The following TIMELESS variants were observed in gnomAD, a reference collection of about 807,000 sequenced individuals.
The protein encoded by TIMELESS is timeless circadian regulator.
Under a neutral mutation model 164.3 loss-of-function variants are expected in TIMELESS, and 124 were observed. That is an observed-to-expected ratio of 0.75 (90% CI 0.65 to 0.88). TIMELESS has a LOEUF of 0.88. Ranked by LOEUF, TIMELESS falls within the 40% of genes least tolerant of loss-of-function variation. TIMELESS has a pLI of 0.00. For synonymous variants in TIMELESS, 564 were observed against 563.4 expected, an observed-to-expected ratio of 1.00 and a Z score of -0.02; for missense variants, 1,422 against 1,491.4, an observed-to-expected ratio of 0.95 and a Z score of 0.77.
At position 56,434,182 on chromosome 12, in the gene TIMELESS, C is replaced by G; in HGVS notation, c.-12G>C. The stretch of plus-strand genomic sequence containing the variant: ...ATGTGCAAGTCCATACATCAGTGGA[C>G]CAACCAACAGAGAAGGAAGTGGAGA... On this transcript the variant is annotated 5_prime_UTR_variant, in exon 2 of 29. Transcript: ENST00000553532. The G allele has an allele frequency of 6.2e-7, 1 of 1,603,316 alleles. No homozygotes were observed. The highest frequency in any genetic ancestry group is 1.1e-5 in the South Asian group (1 of 90,846).
chr12:56,430,793 C>T, intron 9 of TIMELESS, 88 bp downstream of exon 9: 2 of 875,980 alleles, frequency 2.3e-6, no homozygotes, highest in African/African-American at 1.8e-5. Flanking sequence ...TGTGAGCCAC[C>T]AGGCACAGCC....
chr12:56,418,650 C>T (rs1881353950), intron 26 of TIMELESS, among the ~76,000 whole-genome samples: 1 of 150,974 alleles, frequency 6.6e-6, no homozygotes, highest in Non-Finnish European at 1.5e-5. Flanking sequence ...CAATCATGGT[C>T]CACTGTAGTC....
Position 56,417,873 on chromosome 12 carries a change from G to C in TIMELESS, c.3556+34C>G, listed in dbSNP as rs756646184. On this transcript the variant is annotated intron_variant, in intron 28 of 28. Transcript: ENST00000553532. ...GTGGTAGAGTTTGTCTTCAGGATTAGAGAAGAAAAAGAAGGTCCCATCAAA... is the reference window on the plus strand; with the variant it reads ...GTGGTAGAGTTTGTCTTCAGGATTACAGAAGAAAAAGAAGGTCCCATCAAA... The C allele has an allele frequency of 5.6e-6, 9 of 1,613,476 alleles. No homozygotes were observed. The East Asian group carries it at 1.8e-4, about 32-fold the overall frequency.
chr12:56,431,041 A>C (rs1177442982), intron 8 of TIMELESS, 73 bp from the exon 9 acceptor site: 1 of 1,072,160 alleles, frequency 9.3e-7, no homozygotes, highest in Non-Finnish European at 1.3e-6. Flanking sequence ...TATCATCGGC[A>C]CATTGGAGCA....
In TIMELESS at chr12:56,421,004, A is replaced by T; in HGVS notation, c.2999T>A (p.Val1000Asp). ...TTGACCAAGGTTTTCATTTGAAAGG[A>T]CTAAGCTACCCTGGACTTGTTCTGC... ...SEAEQVQGSLVLSNENLGQSL... is the reference protein window; with the variant it reads ...SEAEQVQGSLDLSNENLGQSL... The change falls in exon 24 of 29, where the codon GTC becomes GAC. Residue 1000 changes from valine to aspartate, a missense_variant. Coordinates refer to ENST00000553532, the MANE Select transcript of TIMELESS (RefSeq NM_003920.5). 1.9e-6 allele frequency: 3 copies of T among 1,614,168 alleles called. No individual in the cohort carries two copies. Among genetic ancestry groups the T allele is most frequent in the Non-Finnish European group, 8.5e-7 (1 of 1,180,028 alleles).
At chr12:56,434,267 C>T in intron 1 of TIMELESS, 36 bp from the exon 2 acceptor site, 1 of 993,462 alleles carries the variant, frequency 1.0e-6, no homozygotes, top group Non-Finnish European at 1.6e-6. Context: ...ATGTAAGTTC[C>T]TCTCCATGAA....
At position 56,430,208 on chromosome 12, in the gene TIMELESS, A is replaced by T. The variant is rs770792037; in HGVS notation, c.983T>A (p.Leu328Gln). ...GAGGGCAGAACGGCGCTGAATGGAC[A>T]GCTCTCGGGCGGCCTGGCGACGTTT... ...VPKRRQAARE[L>Q]SIQRRSALNV... Residue 328 changes from leucine (L) to glutamine (Q), a missense_variant, in exon 10 of 29, where the codon CTG (leucine) becomes CAG (glutamine). Coordinates refer to ENST00000553532, the MANE Select transcript of TIMELESS (RefSeq NM_003920.5). 1.2e-6 allele frequency: 2 copies of T among 1,613,968 alleles called. No individual in the cohort carries two copies. The highest frequency in any genetic ancestry group is 2.7e-5 in the African/African-American group (2 of 74,898).
intron 1 of TIMELESS, among the ~76,000 whole-genome samples, chr12:56,448,857 G>C (rs1039747382): frequency 6.6e-6 from 1 of 152,238 alleles, no homozygotes; most frequent in African/African-American, 2.4e-5. Context: ...ACAAGGCAAC[G>C]AAGGGAGGGA....
At chr12:56,433,996 C>T (rs1226622382) in intron 2 of TIMELESS, 70 bp from the exon 3 acceptor site, 1 of 1,610,708 alleles carries the variant, frequency 6.2e-7, no homozygotes, top group African/African-American at 1.3e-5. Context: ...CATCTTTTCA[C>T]ACCCATGGTT....
At chr12:56,430,356 A>T in intron 9 of TIMELESS, 75 bp from the exon 10 acceptor site, 1 of 1,505,500 alleles carries the variant, frequency 6.6e-7, no homozygotes, top group Non-Finnish European at 8.9e-7. Context: ...CAATTTTCTC[A>T]GAAGAAACTA....
rs550048328 is a variant in TIMELESS at position 56,428,328 on chromosome 12, G to A, written c.1486C>T (p.Arg496Cys). 66 of 1,613,662 alleles carry A rather than the reference G, an allele frequency of 4.1e-5. No homozygotes were observed. Among genetic ancestry groups the A allele is most frequent in the Middle Eastern group, 1.7e-4 (1 of 6,058 alleles). ...TCCACCAGGTCACGAAGGAAAGAGC[G>A]GGGCTGGCATCTCTCATCAAACTTT... ...FRKFDERCQP[R>C]SFLRDLVETT... Residue 496 changes from arginine to cysteine, a missense_variant, in exon 13 of 29, where the codon CGC (arginine) becomes TGC (cysteine). Arg to Cys is a radical substitution (Grantham distance 180). Transcript: ENST00000553532.
In TIMELESS at chr12:56,438,777, C is replaced by CAAAA. The variant is rs34222190; in HGVS notation, c.-61-4550_-61-4547dup. 1.0e-3 allele frequency among the ~76,000 whole-genome samples: 49 copies of CAAAA among 48,474 alleles called. 6 individuals are homozygous for CAAAA. Among genetic ancestry groups the CAAAA allele is most frequent in the African/African-American group, 3.0e-3 (30 of 10,088 alleles). 31.8% of individuals were successfully genotyped at this position (48,474 alleles called of 152,430 possible). A position where few individuals can be genotyped will look rare whatever the true frequency, so the allele number is the denominator to read the frequency against. On this transcript the variant is annotated intron_variant, in intron 1 of 28. Coordinates refer to ENST00000553532, the MANE Select transcript of TIMELESS (RefSeq NM_003920.5). Reference sequence around the variant, plus strand: ...TAGATGACAGAGCAAAGCTCTGTCTCAAAAAAAAAAAAAAAAAAAAAAAAA... The same window carrying CAAAA: ...TAGATGACAGAGCAAAGCTCTGTCTCAAAAAAAAAAAAAAAAAAAAAAAAAAAAA...
chr12:56,423,569 C>T lies in TIMELESS; in HGVS notation c.2090+15G>A, dbSNP rs1273880993. The T allele has an allele frequency of 1.2e-6, 2 of 1,613,756 alleles. No homozygotes were observed. Among genetic ancestry groups the T allele is most frequent in the Non-Finnish European group, 1.7e-6 (2 of 1,179,824 alleles). ...ATCGCCACTCTAGGACCAACTCAGG[C>T]CTCTCAGCCCGCACCGTTTCAGGTA... is the stretch of plus-strand genomic sequence containing the variant. On this transcript the variant is annotated intron_variant, in intron 17 of 28. Coordinates refer to ENST00000553532, the MANE Select transcript of TIMELESS (RefSeq NM_003920.5).
In TIMELESS at chr12:56,423,664, CTCT is replaced by C. The variant is rs753763227; in HGVS notation, c.2007_2009del (p.Glu678del). On this transcript the variant is annotated inframe_deletion, in exon 17 of 29. Transcript: ENST00000553532. ...ACTCCTCCTCTTCCTCCTCCTCCTC[CTCT>C]TCTTCTTCCTCTGCCCCACGTTCCT... The C allele has an allele frequency of 5.9e-5, 95 of 1,613,524 alleles. No individual in the cohort carries two copies. Among genetic ancestry groups the C allele is most frequent in the African/African-American group, 1.5e-4 (11 of 75,012 alleles).
intron 9 of TIMELESS, 132 bp from the exon 10 acceptor site, chr12:56,430,413 T>C: frequency 9.6e-7 from 1 of 1,041,132 alleles, no homozygotes; most frequent in East Asian, 2.6e-5. Flanking sequence ...TCACCCAGGC[T>C]GGAGTGTAAT....
chr12:56,425,270 A>G, intron 13 of TIMELESS, 118 bp from the exon 14 acceptor site: 1 of 1,228,840 alleles, frequency 8.1e-7, no homozygotes, highest in East Asian at 2.5e-5. Context: ...ATTATCTGCT[A>G]TCCATCGGTA....
Position 56,429,092 on chromosome 12 carries a change from C to T in TIMELESS, c.1095G>A (p.Leu365=), listed in dbSNP as rs1215537143. 3 of 1,613,022 alleles carry T rather than the reference C, an allele frequency of 1.9e-6. No individual in the cohort carries two copies. In the East Asian group the frequency reaches 6.7e-5, roughly 36 times the overall value. Residue 365 remains leucine, a synonymous_variant, in exon 11 of 29, where the codon CTG becomes CTA. Transcript: ENST00000553532. The part of the protein sequence containing the change: ...NRLMGSVKDH[L]LREKAQQHDE... Reference sequence around the variant, plus strand: ...CATGCTGCTGAGCTTTCTCCCGAAGCAGGTGATCCTGACATTTAAAAAAGA... The same window carrying T: ...CATGCTGCTGAGCTTTCTCCCGAAGTAGGTGATCCTGACATTTAAAAAAGA...
chr12:56,430,849 T>C, intron 9 of TIMELESS, 32 bp downstream of exon 9: 2 of 1,444,002 alleles, frequency 1.4e-6, no homozygotes, highest in Non-Finnish European at 9.5e-7. Context: ...GCAACTCCAC[T>C]ATGTTCCCAC....
intron 13 of TIMELESS, among the ~76,000 whole-genome samples, chr12:56,425,686 G>A (rs992422496): frequency 1.3e-5 from 2 of 152,064 alleles, no homozygotes; most frequent in African/African-American, 4.8e-5. Flanking sequence ...ACCAGCCTGG[G>A]CAACACAGCG....
Sources: allele counts gnomAD v4.1 joint callset (sites outside exome capture counted in the v4.1 genomes callset), GRCh38; gene constraint gnomAD v4.1.1; transcripts MANE v1.5; gene names NCBI Gene and HGNC (gene_info 2026-07-23, HGNC 2026-07-21).